PITRM1: variants seen among roughly 807,000 people sequenced by gnomAD.
PITRM1 encodes the protein pitrilysin metallopeptidase 1, also known as presequence protease, mitochondrial.
Under a neutral mutation model 129.9 loss-of-function variants are expected in PITRM1, and 100 were observed. That is an observed-to-expected ratio of 0.77 (90% CI 0.65 to 0.91). The LOEUF is 0.91. PITRM1 is among the 40% of genes least tolerant of loss of function. The pLI is 0.00. For synonymous variants in PITRM1, 591 were observed against 508.8 expected (o/e 1.16, Z -2.17); for missense variants, 1,471 against 1,318.3 (o/e 1.12, Z -1.79).
rs758532512 is a variant in PITRM1, at chr10:3,166,256, G to C, written c.391C>G (p.Leu131Val). Reference protein sequence around the residue: ...DPFFKMLNRSLSTFMNAFTAS... With the variant: ...DPFFKMLNRSVSTFMNAFTAS... ...GTGAAGGCGTTCATGAACGTGGAGAGGGACCGGTTCAACATTTTGAAGAAA... is the reference window on the plus strand; with the variant it reads ...GTGAAGGCGTTCATGAACGTGGAGACGGACCGGTTCAACATTTTGAAGAAA... The change falls in exon 4 of 27, where the codon CTC becomes GTC. Residue 131 changes from leucine to valine, a missense_variant. Leu to Val is a conservative substitution (Grantham distance 32). Coordinates refer to ENST00000224949, the MANE Select transcript of PITRM1 (RefSeq NM_014889.4). 6.8e-6 allele frequency: 11 copies of C among 1,613,044 alleles called. No individual in the cohort carries two copies. The highest frequency in any genetic ancestry group is 1.3e-5 in the African/African-American group (1 of 74,950).
At position 3,140,693 on chromosome 10, in the gene PITRM1, G is replaced by A; in HGVS notation, c.2765C>T (p.Ser922Phe). ...GAACTAGAGCAAAACTCACCTGTAAGAGTAAAGGGTGAAAATCCCATTGTG... is the reference window on the plus strand; with the variant it reads ...GAACTAGAGCAAAACTCACCTGTAAAAGTAAAGGGTGAAAATCCCATTGTG... Reference protein sequence around the residue: ...LSHNGIFTLYSYRDPNTIETL... With the variant: ...LSHNGIFTLYFYRDPNTIETL... The change falls in exon 24 of 27, where the codon TCT becomes TTT. Residue 922 changes from serine (S) to phenylalanine (F), a missense_variant. Ser to Phe is a radical substitution (Grantham distance 155). Transcript: ENST00000224949. The A allele has an allele frequency of 6.3e-7, 1 of 1,599,422 alleles. No homozygotes were observed. Among genetic ancestry groups the A allele is most frequent in the South Asian group, 1.1e-5 (1 of 88,114 alleles).
chr10:3,161,823 T>A (rs1284777516), intron 7 of PITRM1, among the ~76,000 whole-genome samples: 2 of 146,550 alleles, frequency 1.4e-5, no homozygotes, highest in African/African-American at 5.0e-5. Context: ...GAGGTCAGAG[T>A]GGTACTAAAA....
intron 14 of PITRM1, among the ~76,000 whole-genome samples, chr10:3,154,878 C>A (rs773951802): frequency 3.3e-5 from 5 of 152,160 alleles, no homozygotes; most frequent in African/African-American, 4.8e-5. Context: ...TCTCACTTTT[C>A]TTTTCACTCC....
In PITRM1 at chr10:3,144,289, T is replaced by C; in HGVS notation, c.2532+3A>G. The C allele has an allele frequency of 6.5e-7, 1 of 1,547,154 alleles. No individual in the cohort carries two copies. Among genetic ancestry groups the C allele is most frequent in the Non-Finnish European group, 8.8e-7 (1 of 1,141,040 alleles). On this transcript the variant is annotated splice_donor_region_variant and intron_variant, in intron 22 of 26. Transcript: ENST00000224949. ...GGCAACCCGGATGGGCTGTGGTTCT[T>C]ACCATGACCAGCTTCCTAATGACCT...
intron 24 of PITRM1, 47 bp downstream of exon 24, chr10:3,140,640 C>A: frequency 6.5e-7 from 1 of 1,543,692 alleles, no homozygotes; most frequent in Admixed American, 1.9e-5. Flanking sequence ...GAGTAGAAGA[C>A]TAAAACGACG....
At chr10:3,148,353 A>T (rs556675319) in intron 16 of PITRM1, 62 bp from the exon 17 acceptor site, 1 of 1,525,734 alleles carries the variant, frequency 6.6e-7, no homozygotes, top group African/African-American at 1.4e-5. Context: ...CATTTTTAAA[A>T]TCGTGCATCT....
chr10:3,168,931 C>T (rs1843112544), intron 2 of PITRM1, among the ~76,000 whole-genome samples: 1 of 30,796 alleles, frequency 3.2e-5, no homozygotes, highest in Non-Finnish European at 1.0e-4. Flanking sequence ...CACACACACA[C>T]ACACACACAC....
chr10:3,148,303 G>A lies in PITRM1; in HGVS notation c.1872-12C>T, dbSNP rs1236168882. On this transcript the variant is annotated splice_polypyrimidine_tract_variant and intron_variant, in intron 16 of 26. Coordinates refer to ENST00000224949, the MANE Select transcript of PITRM1 (RefSeq NM_014889.4). ...GGCCGCAGCCCAGCCTGACACAGCAGAGAAGCATCGCCCCGATTACAAGTC... is the reference window on the plus strand; with the variant it reads ...GGCCGCAGCCCAGCCTGACACAGCAAAGAAGCATCGCCCCGATTACAAGTC... 8 of 1,594,338 alleles carry A rather than the reference G, an allele frequency of 5.0e-6. No individual in the cohort carries two copies. Among genetic ancestry groups the A allele is most frequent in the Non-Finnish European group, 6.8e-6 (8 of 1,170,712 alleles).
chr10:3,138,304 T>C lies in PITRM1; in HGVS notation c.2951A>G (p.Glu984Gly). The C allele has an allele frequency of 6.2e-7, 1 of 1,613,818 alleles. No homozygotes were observed. Among genetic ancestry groups the C allele is most frequent in the Non-Finnish European group, 8.5e-7 (1 of 1,179,738 alleles). The part of the protein sequence containing the change: ...MDHFLYGLSD[E>G]MKQAHREQLF... ...CTGCTCTCTGTGGGCCTGCTTCATC[T>C]CATCCGAGAGGCCGTACAAGAAGTG... The change falls in exon 26 of 27, where the codon GAG becomes GGG. Residue 984 changes from glutamate to glycine, a missense_variant. Transcript: ENST00000224949.
At chr10:3,139,950 A>G (rs1379124252) in intron 24 of PITRM1, among the ~76,000 whole-genome samples, 1 of 152,244 alleles carries the variant, frequency 6.6e-6, no homozygotes, top group East Asian at 1.9e-4. Context: ...CATCCACATC[A>G]GGCACCTCCA....
chr10:3,161,973 C>T (rs1053026126), intron 7 of PITRM1, among the ~76,000 whole-genome samples: 4 of 151,812 alleles, frequency 2.6e-5, no homozygotes, highest in Non-Finnish European at 5.9e-5. Context: ...AAGTTCAAGA[C>T]CAGCCTGGGC....
At chr10:3,157,149 T>A in intron 12 of PITRM1, 85 bp from the exon 13 acceptor site, 1 of 1,234,430 alleles carries the variant, frequency 8.1e-7, no homozygotes, top group East Asian at 2.6e-5. Context: ...ACTAAAATCC[T>A]AGTTTCTGTA....
At chr10:3,147,430 C>G in intron 19 of PITRM1, 142 bp downstream of exon 19, 1 of 1,110,774 alleles carries the variant, frequency 9.0e-7, no homozygotes, top group Non-Finnish European at 1.3e-6. Flanking sequence ...GAGTCAAAAC[C>G]AACCAACCAA....
At position 3,170,190 on chromosome 10, in the gene PITRM1, C is replaced by A; in HGVS notation, c.73G>T (p.Ala25Ser). 3.1e-6 allele frequency: 5 copies of A among 1,613,600 alleles called. No individual in the cohort carries two copies. Among genetic ancestry groups the A allele is most frequent in the Non-Finnish European group, 4.2e-6 (5 of 1,179,524 alleles). The change falls in exon 2 of 27, where the codon GCG (alanine) becomes TCG (serine). Residue 25 changes from alanine (A) to serine (S), a missense_variant. Coordinates refer to ENST00000224949, the MANE Select transcript of PITRM1 (RefSeq NM_014889.4). ...GCCCGGTTACTGTTCCATCGCCACGCTCTGTGGTGTGCATGTCTAGATTAA... is the reference window on the plus strand; with the variant it reads ...GCCCGGTTACTGTTCCATCGCCACGATCTGTGGTGTGCATGTCTAGATTAA... ...RLSGGHAHHRAWRWNSNRACE... is the reference protein window; with the variant it reads ...RLSGGHAHHRSWRWNSNRACE...
chr10:3,150,584 G>A (rs932658977), intron 15 of PITRM1, among the ~76,000 whole-genome samples: 15 of 152,152 alleles, frequency 9.9e-5, no homozygotes, highest in Admixed American at 2.6e-4. Flanking sequence ...GGCCACACCC[G>A]CTGGTAAGCT....
Position 3,166,990 on chromosome 10 carries a change from T to A in PITRM1, c.212A>T (p.Asp71Val). Reference protein sequence around the residue: ...FLTAVKLTHDDTGARYLHLAR... With the variant: ...FLTAVKLTHDVTGARYLHLAR... ...CAGGTGTAAATACCTGGCTCCTGTG[T>A]CATCATGGGTGAGCTTCACTGCAGT... is the stretch of plus-strand genomic sequence containing the variant. The change falls in exon 3 of 27, where the codon GAC (aspartate) becomes GTC (valine). Residue 71 changes from aspartate to valine, a missense_variant. Physicochemically the swap from Asp to Val is radical, Grantham distance 152. Coordinates refer to ENST00000224949, the MANE Select transcript of PITRM1 (RefSeq NM_014889.4). 1 of 1,611,490 alleles carries A rather than the reference T, an allele frequency of 6.2e-7. No homozygotes were observed. The highest frequency in any genetic ancestry group is 1.1e-5 in the South Asian group (1 of 90,288).
chr10:3,153,395 AG>A (rs1304437252), intron 14 of PITRM1, among the ~76,000 whole-genome samples: 2 of 152,212 alleles, frequency 1.3e-5, no homozygotes, highest in Non-Finnish European at 2.9e-5. Flanking sequence ...GAGCTTAATA[AG>A]GGGGGAAAAA....
At chr10:3,171,294 T>C (rs1049548942) in intron 1 of PITRM1, among the ~76,000 whole-genome samples, 5 of 139,762 alleles carry the variant, frequency 3.6e-5, no homozygotes, top group Admixed American at 7.4e-5. Context: ...ATTATTCAAA[T>C]AGGTAACAAG....
chr10:3,140,748 C>G lies in PITRM1; in HGVS notation c.2710G>C (p.Gly904Arg), dbSNP rs372273001. Residue 904 changes from glycine (G) to arginine (R), a missense_variant, in exon 24 of 27, where the codon GGT (glycine) becomes CGT (arginine). Gly to Arg is a moderately radical substitution (Grantham distance 125). Coordinates refer to ENST00000224949, the MANE Select transcript of PITRM1 (RefSeq NM_014889.4). ...AGTTTTGCGCCTCCACCATAAGCAC[C>G]GCCTTTTTCTCGAATTTCTGTATGC... is the stretch of plus-strand genomic sequence containing the variant. The part of the protein sequence containing the change: ...FLHTEIREKG[G>R]AYGGGAKLSH... 5.0e-6 allele frequency: 8 copies of G among 1,597,166 alleles called. No homozygotes were observed. In the African/African-American group the frequency reaches 1.1e-4, roughly 21 times the overall value.
Sources: gnomAD v4.1 joint callset for allele counts (sites outside exome capture counted in the v4.1 genomes callset) on GRCh38, gnomAD v4.1.1 for gene constraint, MANE v1.5 for transcripts, NCBI Gene and HGNC (gene_info 2026-07-23, HGNC 2026-07-21) for gene names.